DMD: variants seen among roughly 807,000 people sequenced by gnomAD.
DMD encodes dystrophin.
A neutral mutation model predicts 330.1 loss-of-function variants in DMD; 63 were observed. The ratio of observed to expected loss-of-function variants is 0.19; its 90% CI spans 0.16 to 0.24. The LOEUF (loss-of-function observed/expected upper bound fraction) is 0.24. Among genes scored for constraint, DMD ranks in the 10% least tolerant of loss-of-function variants. The pLI is 1.00. For synonymous variants in DMD, 1,223 were observed against 959.8 expected, an observed-to-expected ratio of 1.27 and a Z score of -5.07; for missense variants, 3,344 against 2,684.1, an observed-to-expected ratio of 1.25 and a Z score of -5.43.
chrX:32,152,575 A>T (rs1174709149), intron 44 of DMD, among the ~76,000 whole-genome samples: 1 of 111,514 alleles, frequency 9.0e-6, no homozygotes, highest in East Asian at 2.8e-4. Flanking sequence ...CTCAACTTCA[A>T]ATAAAAGTAT....
At chrX:32,740,862 C>G (rs995281955) in intron 7 of DMD, among the ~76,000 whole-genome samples, 1 of 111,445 alleles carries the variant, frequency 9.0e-6, no homozygotes, top group Non-Finnish European at 1.9e-5. Context: ...CAAGTGTTTA[C>G]ATAACATGCC....
intron 44 of DMD, among the ~76,000 whole-genome samples, chrX:32,013,493 T>G (rs2095734048): frequency 8.9e-6 from 1 of 112,358 alleles, no homozygotes; most frequent in Admixed American, 9.4e-5. Context: ...GTACTTTGTC[T>G]AATAGGTGTA....
At position 32,635,844 on chromosome X, in the gene DMD, T is replaced by A. The variant is rs188929233; in HGVS notation, c.1331+8288A>T. On this transcript the variant is annotated intron_variant, in intron 11 of 78. Transcript: ENST00000357033. ...ACTTCAGCTGTCACTGTTTTCACTA[T>A]CTCATCACCTTTACCACAAGTACAT... Among the ~76,000 whole-genome samples, 3 of 112,128 alleles carry A rather than the reference T, an allele frequency of 2.7e-5. No homozygotes were observed. In the East Asian group the frequency reaches 8.4e-4, roughly 32 times the overall value.
At chrX:32,046,951 T>G (rs1335567061) in intron 44 of DMD, among the ~76,000 whole-genome samples, 1 of 111,614 alleles carries the variant, frequency 9.0e-6, no homozygotes, top group Non-Finnish European at 1.9e-5. Flanking sequence ...TCTTTGTTTT[T>G]TACATACTAT....
At chrX:33,246,777 C>T in intron 1 of DMD, among the ~76,000 whole-genome samples, 1 of 110,775 alleles carries the variant, frequency 9.0e-6, no homozygotes, top group Admixed American at 9.7e-5. Context: ...CGTCCACCTT[C>T]CGGGTTCAAG....
At chrX:31,605,288 T>C (rs973056753) in intron 55 of DMD, among the ~76,000 whole-genome samples, 14 of 111,696 alleles carry the variant, frequency 1.3e-4, no homozygotes, top group Non-Finnish European at 1.3e-4. Flanking sequence ...TCCCACTACT[T>C]TGAGATCTTA....
intron 1 of DMD, among the ~76,000 whole-genome samples, chrX:33,119,429 C>T (rs766202755): frequency 8.9e-6 from 1 of 112,139 alleles, no homozygotes; most frequent in Admixed American, 9.5e-5. Flanking sequence ...TAGTTTATTC[C>T]GCAAATACAT....
chrX:32,540,882 T>A lies in DMD; in HGVS notation c.2168+4277A>T, dbSNP rs185864455. 2.7e-3 allele frequency among the ~76,000 whole-genome samples: 306 copies of A among 111,389 alleles called. 1 individual carries two copies. The highest frequency in any genetic ancestry group is 4.2e-3 in the Non-Finnish European group (222 of 53,036). On this transcript the variant is annotated intron_variant, in intron 17 of 78. Coordinates refer to ENST00000357033, the MANE Select transcript of DMD (RefSeq NM_004006.3). Reference sequence around the variant, plus strand: ...GCCATAGGAAGCACTTGGGTTTTATTTTGGAGGTATCTGGATTTATGGGAA... The same window carrying A: ...GCCATAGGAAGCACTTGGGTTTTATATTGGAGGTATCTGGATTTATGGGAA...
At chrX:32,040,120 C>T (rs1455344681) in intron 44 of DMD, among the ~76,000 whole-genome samples, 1 of 111,802 alleles carries the variant, frequency 8.9e-6, no homozygotes, top group African/African-American at 3.3e-5. Context: ...TTTTTTCTCA[C>T]TACCCCAACT....
chrX:31,413,786 C>T (rs1602599239), intron 60 of DMD, among the ~76,000 whole-genome samples: 1 of 108,712 alleles, frequency 9.2e-6, no homozygotes, highest in East Asian at 2.9e-4. Context: ...TGAGCAGCCA[C>T]GTAAAAGGCA....
intron 44 of DMD, among the ~76,000 whole-genome samples, chrX:32,002,008 C>T (rs1282849168): frequency 8.9e-6 from 1 of 111,817 alleles, no homozygotes; most frequent in Non-Finnish European, 1.9e-5. Context: ...TTTCTGGGTG[C>T]AGCAGGAACT....
chrX:31,663,281 G>C (rs1352406872), intron 53 of DMD, among the ~76,000 whole-genome samples: 2 of 111,440 alleles, frequency 1.8e-5, no homozygotes, highest in African/African-American at 6.5e-5. Flanking sequence ...CGATGGTTCT[G>C]GTTTCTGGGC....
chrX:31,666,228 CAGA>C (rs1022646869), intron 53 of DMD, among the ~76,000 whole-genome samples: 1 of 111,720 alleles, frequency 9.0e-6, no homozygotes, highest in African/African-American at 3.3e-5. Flanking sequence ...CTTTTCACGC[CAGA>C]AGATTATACA....
intron 2 of DMD, among the ~76,000 whole-genome samples, chrX:32,972,613 A>G (rs748090650): frequency 8.9e-6 from 1 of 112,469 alleles, no homozygotes. Flanking sequence ...GGGCTATTTT[A>G]TTCAGTAATA....
At chrX:32,382,150 T>C (rs774100375) in intron 33 of DMD, among the ~76,000 whole-genome samples, 1 of 111,678 alleles carries the variant, frequency 9.0e-6, no homozygotes, top group Non-Finnish European at 1.9e-5. Flanking sequence ...AAAAGCTTTA[T>C]TTACATTTAT....
At position 32,464,693 on chromosome X, in the gene DMD, T is replaced by C. The variant is rs1057515874; in HGVS notation, c.3169A>G (p.Ile1057Val). ...GCCATCCATTTCTTCAGGGTTTGTA[T>C]GTGATTCTGAAACGAGACCCGTTAT... ...MNKLRKIQNH[I>V]QTLKKWMAEV... Residue 1057 changes from isoleucine to valine, a missense_variant, in exon 24 of 79, where the codon ATA (isoleucine) becomes GTA (valine). Coordinates refer to ENST00000357033, the MANE Select transcript of DMD (RefSeq NM_004006.3). 8.4e-7 allele frequency: 1 copy of C among 1,187,998 alleles called. No individual in the cohort carries two copies. The highest frequency in any genetic ancestry group is 2.3e-4 in the Middle Eastern group (1 of 4,293).
chrX:32,993,516 T>C (rs1295634135), intron 2 of DMD, among the ~76,000 whole-genome samples: 2 of 109,104 alleles, frequency 1.8e-5, no homozygotes, highest in Non-Finnish European at 3.8e-5. Context: ...GGCAGGAGAA[T>C]TGCTTGAACC....
intron 1 of DMD, chrX:33,041,871 G>A (rs1363619406): frequency 1.9e-6 from 1 of 532,052 alleles, no homozygotes; most frequent in African/African-American, 3.0e-5. Context: ...AATTTAATAT[G>A]TCAAATAAAT....
chrX:32,520,400 T>G (rs1030048045), intron 17 of DMD, among the ~76,000 whole-genome samples: 1 of 112,207 alleles, frequency 8.9e-6, no homozygotes, highest in Non-Finnish European at 1.9e-5. Context: ...TCTTAAAACA[T>G]TTTTATTTTT....
Sources: gnomAD v4.1 joint callset for allele counts (sites outside exome capture counted in the v4.1 genomes callset) on GRCh38, gnomAD v4.1.1 for gene constraint, MANE v1.5 for transcripts, NCBI Gene and HGNC (gene_info 2026-07-23, HGNC 2026-07-21) for gene names.